The following SEPHS1 variants were observed in gnomAD, a reference collection of about 807,000 sequenced individuals.
SEPHS1 encodes the protein selenophosphate synthetase 1.
Under a neutral mutation model 39.2 loss-of-function variants are expected in SEPHS1, and 7 were observed. The observed-to-expected ratio is 0.18, with a 90% CI of 0.10 to 0.34. The LOEUF (loss-of-function observed/expected upper bound fraction) is 0.34. Ranked by LOEUF, SEPHS1 falls within the 10% of genes least tolerant of loss-of-function variation. The probability of loss-of-function intolerance (pLI) is 1.00; values close to 1 mark genes in which losing one functional copy is unlikely to be tolerated. For missense variants in SEPHS1, 253 were observed against 514.5 expected, an observed-to-expected ratio of 0.49 and a Z score of 4.92; for synonymous variants, 190 against 195.5, an observed-to-expected ratio of 0.97 and a Z score of 0.23.
intron 1 of SEPHS1, chr10:13,347,187 GT>G (rs200781812): frequency 0.5 from 75,065 of 149,698 alleles, 18,870 homozygotes; most frequent in Admixed American, 0.58. Context: ...CCATGGTTTG[GT>G]TTTTTTTTTT....
At chr10:13,343,431 G>A (rs1425655950) in intron 2 of SEPHS1, among the ~76,000 whole-genome samples, 4 of 152,094 alleles carry the variant, frequency 2.6e-5, no homozygotes, top group African/African-American at 9.7e-5. Flanking sequence ...AAGCAAGTCT[G>A]CTTTTATCTG....
chr10:13,341,966 C>T (rs1833797830), intron 2 of SEPHS1, among the ~76,000 whole-genome samples: 1 of 127,344 alleles, frequency 7.9e-6, no homozygotes, highest in Non-Finnish European at 1.6e-5. Flanking sequence ...TGGAGTGAGA[C>T]TCTATCTCAA....
intron 8 of SEPHS1, among the ~76,000 whole-genome samples, chr10:13,321,822 C>T (rs2254252): frequency 0.4 from 61,380 of 151,986 alleles, 12,736 homozygotes; most frequent in Non-Finnish European, 0.46. Context: ...TGCTGGAGTA[C>T]CTGCCATGAT....
At chr10:13,347,006 GA>G (rs1207409325) in intron 1 of SEPHS1, among the ~76,000 whole-genome samples, 1 of 152,050 alleles carries the variant, frequency 6.6e-6, no homozygotes, top group African/African-American at 2.4e-5. Flanking sequence ...GAGGGCATGG[GA>G]AGGGGGAGGG....
intron 3 of SEPHS1, among the ~76,000 whole-genome samples, chr10:13,337,902 T>C (rs1833684854): frequency 6.6e-6 from 1 of 152,238 alleles, no homozygotes; most frequent in Admixed American, 6.5e-5. Flanking sequence ...CCCACGTGGC[T>C]GCCTCATGAT....
At chr10:13,336,751 TA>T (rs369855851) in intron 3 of SEPHS1, among the ~76,000 whole-genome samples, 37 of 152,192 alleles carry the variant, frequency 2.4e-4, no homozygotes, top group African/African-American at 8.2e-4. Flanking sequence ...ACAACTCTCC[TA>T]AAGAAAAGTT....
chr10:13,347,622 G>A (rs928971105), intron 1 of SEPHS1, among the ~76,000 whole-genome samples: 5 of 147,100 alleles, frequency 3.4e-5, no homozygotes, highest in Non-Finnish European at 4.6e-5. Context: ...GGCCCCGGAG[G>A]CACCCCGCGA....
chr10:13,336,073 T>C (rs151003542), intron 4 of SEPHS1, among the ~76,000 whole-genome samples, 170 bp downstream of exon 4: 6 of 151,514 alleles, frequency 4.0e-5, no homozygotes, highest in Non-Finnish European at 7.4e-5. Flanking sequence ...AGGCCAGGCT[T>C]CCTCATTTTA....
At chr10:13,330,644 G>T (rs1173578243) in intron 5 of SEPHS1, among the ~76,000 whole-genome samples, 1 of 152,066 alleles carries the variant, frequency 6.6e-6, no homozygotes, top group Non-Finnish European at 1.5e-5. Flanking sequence ...TGAAAACAAA[G>T]CCAGGGCCAC....
intron 1 of SEPHS1, chr10:13,345,417 G>A (rs1404929292): frequency 6.5e-6 from 1 of 154,152 alleles, no homozygotes; most frequent in African/African-American, 2.4e-5. Flanking sequence ...TCCTCGCTAA[G>A]GTGACTTTTC....
intron 8 of SEPHS1, 94 bp from the exon 9 acceptor site, chr10:13,319,450 A>G: frequency 7.9e-7 from 1 of 1,262,636 alleles, no homozygotes. Context: ...TCCATCAACA[A>G]CTTGCTGCCA....
intron 6 of SEPHS1, 49 bp downstream of exon 6, chr10:13,329,649 T>A (rs763075901): frequency 1.4e-6 from 2 of 1,414,048 alleles, no homozygotes; most frequent in South Asian, 2.5e-5. Context: ...AAAAATTACC[T>A]GCAAACGTAC....
At chr10:13,335,544 A>G (rs74506618) in intron 4 of SEPHS1, among the ~76,000 whole-genome samples, 5,316 of 152,126 alleles carry the variant, frequency 0.035, 135 homozygotes, top group East Asian at 0.082. Flanking sequence ...TGCCCCTGTA[A>G]TCCCAGCTAC....
intron 2 of SEPHS1, among the ~76,000 whole-genome samples, chr10:13,340,525 T>C (rs559669024): frequency 6.6e-6 from 1 of 152,354 alleles, no homozygotes; most frequent in East Asian, 1.9e-4. Context: ...TTCTGACAAC[T>C]GGTTATTCTG....
At chr10:13,337,673 G>A (rs964317268) in intron 3 of SEPHS1, among the ~76,000 whole-genome samples, 5 of 152,126 alleles carry the variant, frequency 3.3e-5, no homozygotes, top group African/African-American at 9.7e-5. Flanking sequence ...GTGATTTAGC[G>A]CCCCTTCTGT....
At position 13,338,740 on chromosome 10, in the gene SEPHS1, A is replaced by G; in HGVS notation, c.262T>C (p.Tyr88His). Residue 88 changes from tyrosine to histidine, a missense_variant, in exon 3 of 9, where the codon TAC (tyrosine) becomes CAC (histidine). Tyr to His is a moderately conservative substitution (Grantham distance 83). Transcript: ENST00000327347. ...GGLSLVQTTD[Y>H]IYPIVDDPYM... ...GGGTCGTCTACGATCGGGTAAATGTAATCTGTGGTTTGAACCAAGGAAAGC... is the reference window on the plus strand; with the variant it reads ...GGGTCGTCTACGATCGGGTAAATGTGATCTGTGGTTTGAACCAAGGAAAGC... 1 of 1,614,182 alleles carries G rather than the reference A, an allele frequency of 6.2e-7. No homozygotes were observed. Among genetic ancestry groups the G allele is most frequent in the Non-Finnish European group, 8.5e-7 (1 of 1,179,988 alleles).
chr10:13,325,909 AAAAAAAAAAAAAAAAAAAAAAAAAGAGAC>A lies in SEPHS1; in HGVS notation c.751+2413_751+2441del, dbSNP rs1381355242. On this transcript the variant is annotated intron_variant, in intron 7 of 8. Coordinates refer to ENST00000327347, the MANE Select transcript of SEPHS1 (RefSeq NM_012247.5). ...AGACTCCGTCTCAAAAAAAAAAAAAAAAAAAAAAAAAAAAAAAAAAAAAAGAGACTCAGTCTCAAAAAAAAAAAAAAAAA... is the reference window on the plus strand; with the variant it reads ...AGACTCCGTCTCAAAAAAAAAAAAAATCAGTCTCAAAAAAAAAAAAAAAAA... Among the ~76,000 whole-genome samples the A allele has an allele frequency of 1.5e-3, 36 of 23,554 alleles. 2 individuals are homozygous for A. The highest frequency in any genetic ancestry group is 6.1e-3 in the African/African-American group (31 of 5,088). The allele number at this position is 23,554 out of a possible 152,430, so 15.5% of individuals were successfully genotyped here.
At chr10:13,320,526 T>C (rs957797423) in intron 8 of SEPHS1, among the ~76,000 whole-genome samples, 22 of 151,876 alleles carry the variant, frequency 1.4e-4, no homozygotes, top group Non-Finnish European at 4.4e-5. Context: ...GGAAAAACTG[T>C]AGTCTACTTC....
At chr10:13,323,164 T>G in intron 7 of SEPHS1, 117 bp from the exon 8 acceptor site, 1 of 813,154 alleles carries the variant, frequency 1.2e-6, no homozygotes, top group Non-Finnish European at 2.0e-6. Context: ...ATCGGAATAA[T>G]GAAAACGCAA....
Sources: allele counts gnomAD v4.1 joint callset (sites outside exome capture counted in the v4.1 genomes callset), GRCh38; gene constraint gnomAD v4.1.1; transcripts MANE v1.5; gene names NCBI Gene and HGNC (gene_info 2026-07-23, HGNC 2026-07-21).